LHFPL6: variants seen among roughly 807,000 people sequenced by gnomAD.
LHFPL6 encodes the protein LHFPL tetraspan subfamily member 6, also known as LHFPL tetraspan subfamily member 6 protein.
Under a neutral mutation model 20.6 loss-of-function variants are expected in LHFPL6, and 9 were observed. That is an observed-to-expected ratio of 0.44 (90% CI 0.26 to 0.76). The LOEUF is 0.76. LHFPL6 is among the 30% of genes least tolerant of loss of function. The probability of loss-of-function intolerance (pLI) is 0.20; values close to 1 mark genes in which losing one functional copy is unlikely to be tolerated. For synonymous variants in LHFPL6, 105 were observed against 98.7 expected, an observed-to-expected ratio of 1.06 and a Z score of -0.38; for missense variants, 218 against 253.5, an observed-to-expected ratio of 0.86 and a Z score of 0.95.
intron 2 of LHFPL6, among the ~76,000 whole-genome samples, chr13:39,560,659 T>C (rs984043419): frequency 3.4e-4 from 51 of 152,026 alleles, no homozygotes; most frequent in African/African-American, 1.2e-3. Context: ...GAACTACAGG[T>C]GCCCGCCCCC....
chr13:39,528,337 T>A (rs1870357797), intron 2 of LHFPL6, among the ~76,000 whole-genome samples: 1 of 152,158 alleles, frequency 6.6e-6, no homozygotes, highest in South Asian at 2.1e-4. Flanking sequence ...AAAAACTAGA[T>A]ATCTGTATTT....
chr13:39,401,965 T>A (rs17059807), intron 2 of LHFPL6, among the ~76,000 whole-genome samples: 4 of 152,230 alleles, frequency 2.6e-5, no homozygotes, highest in South Asian at 2.1e-4. Flanking sequence ...TTTAGACAGA[T>A]GTATACCGTC....
chr13:39,459,194 ATGTGTGTGTGTGTGTGTGTG>A (rs58955444), intron 2 of LHFPL6, among the ~76,000 whole-genome samples: 34 of 136,068 alleles, frequency 2.5e-4, no homozygotes, highest in South Asian at 7.5e-4. Flanking sequence ...AAGTTCCTTA[ATGTGTGTGTGTGTGTGTGTG>A]TGTGTGTGTG....
chr13:39,404,876 T>C (rs1424106895), intron 2 of LHFPL6, among the ~76,000 whole-genome samples: 5 of 152,200 alleles, frequency 3.3e-5, no homozygotes, highest in African/African-American at 1.2e-4. Context: ...CAATATGTAT[T>C]TGTGCAAAAT....
intron 2 of LHFPL6, among the ~76,000 whole-genome samples, chr13:39,574,516 T>C (rs538238084): frequency 6.6e-6 from 1 of 151,588 alleles, no homozygotes; most frequent in South Asian, 2.1e-4. Flanking sequence ...CAAATAAACA[T>C]GTTCCACCCA....
intron 2 of LHFPL6, among the ~76,000 whole-genome samples, chr13:39,527,588 GAT>G (rs775775511): frequency 6.0e-5 from 9 of 150,590 alleles, no homozygotes; most frequent in Non-Finnish European, 1.2e-4. Context: ...AGAACTTCCT[GAT>G]ATGGGAATCA....
chr13:39,563,142 C>T (rs1202557225), intron 2 of LHFPL6, among the ~76,000 whole-genome samples: 1 of 109,216 alleles, frequency 9.2e-6, no homozygotes, highest in East Asian at 2.3e-4. Flanking sequence ...ACACACACAG[C>T]ATCTCTGAAT....
intron 2 of LHFPL6, among the ~76,000 whole-genome samples, chr13:39,404,197 T>C (rs1422699086): frequency 6.6e-6 from 1 of 152,120 alleles, no homozygotes; most frequent in Non-Finnish European, 1.5e-5. Context: ...GATAAGGGAG[T>C]GGCTTTCTCT....
At chr13:39,362,601 G>A (rs1326525276) in intron 3 of LHFPL6, among the ~76,000 whole-genome samples, 1 of 152,134 alleles carries the variant, frequency 6.6e-6, no homozygotes, top group Admixed American at 6.5e-5. Flanking sequence ...TGAGACACCT[G>A]CATAATGGCC....
chr13:39,518,563 TA>T (rs1870003449), intron 2 of LHFPL6, among the ~76,000 whole-genome samples: 1 of 152,242 alleles, frequency 6.6e-6, no homozygotes, highest in Non-Finnish European at 1.5e-5. Flanking sequence ...CATATGTTTG[TA>T]AGTTTCTAAA....
At chr13:39,373,793 T>C (rs770512115) in intron 3 of LHFPL6, among the ~76,000 whole-genome samples, 6 of 152,134 alleles carry the variant, frequency 3.9e-5, no homozygotes, top group African/African-American at 7.2e-5. Context: ...ACATCACTAA[T>C]TATCAAAGAA....
chr13:39,493,176 A>G (rs1170532228), intron 2 of LHFPL6, among the ~76,000 whole-genome samples: 1 of 151,490 alleles, frequency 6.6e-6, no homozygotes, highest in East Asian at 2.0e-4. Flanking sequence ...GGAACATATT[A>G]TAAGAAAATA....
intron 2 of LHFPL6, among the ~76,000 whole-genome samples, chr13:39,597,987 T>C (rs1465060173): frequency 6.6e-6 from 1 of 152,232 alleles, no homozygotes; most frequent in Non-Finnish European, 1.5e-5. Flanking sequence ...CATTCTCCTG[T>C]TTCCTGTTGT....
chr13:39,586,353 C>A (rs987566284), intron 2 of LHFPL6, among the ~76,000 whole-genome samples: 3 of 152,110 alleles, frequency 2.0e-5, no homozygotes, highest in Non-Finnish European at 4.4e-5. Flanking sequence ...ACATGCAGAC[C>A]AATATGCAAA....
intron 2 of LHFPL6, among the ~76,000 whole-genome samples, chr13:39,447,789 C>T (rs528205996): frequency 6.6e-6 from 1 of 152,220 alleles, no homozygotes; most frequent in South Asian, 2.1e-4. Flanking sequence ...AGTATTTGGG[C>T]CATTGCTCTT....
intron 2 of LHFPL6, 98 bp from the exon 3 acceptor site, chr13:39,378,624 C>T (rs1278951849): frequency 1.9e-5 from 16 of 862,960 alleles, no homozygotes; most frequent in South Asian, 1.3e-4. Context: ...AAGACCATAG[C>T]GTCTGCTTTT....
At chr13:39,403,639 A>G (rs1261462633) in intron 2 of LHFPL6, among the ~76,000 whole-genome samples, 1 of 152,254 alleles carries the variant, frequency 6.6e-6, no homozygotes, top group African/African-American at 2.4e-5. Flanking sequence ...TCAAGAGCAG[A>G]AACTTTGCCA....
At chr13:39,420,134 C>T (rs2138395176) in intron 2 of LHFPL6, among the ~76,000 whole-genome samples, 1 of 152,310 alleles carries the variant, frequency 6.6e-6, no homozygotes, top group Non-Finnish European at 1.5e-5. Flanking sequence ...ATTCACTCTT[C>T]TCCCACAGCT....
chr13:39,352,181 T>C (rs1869585979), intron 3 of LHFPL6, among the ~76,000 whole-genome samples: 1 of 152,214 alleles, frequency 6.6e-6, no homozygotes, highest in East Asian at 1.9e-4. Flanking sequence ...ATAAGCTTGC[T>C]TGAGGAACAG....
Sources: gnomAD v4.1 joint callset for allele counts (sites outside exome capture counted in the v4.1 genomes callset) on GRCh38, gnomAD v4.1.1 for gene constraint, MANE v1.5 for transcripts, NCBI Gene and HGNC (gene_info 2026-07-23, HGNC 2026-07-21) for gene names.